DPP10: variants seen among roughly 807,000 people sequenced by gnomAD.
DPP10 encodes inactive dipeptidyl peptidase 10.
Under a neutral mutation model 120.9 loss-of-function variants are expected in DPP10, and 33 were observed. The ratio of observed to expected loss-of-function variants is 0.27; its 90% CI spans 0.21 to 0.37. DPP10 has a LOEUF of 0.37. Among genes scored for constraint, DPP10 ranks in the 10% least tolerant of loss-of-function variants. The probability of loss-of-function intolerance (pLI) is 1.00; values close to 1 mark genes in which losing one functional copy is unlikely to be tolerated. For synonymous variants in DPP10, 337 were observed against 326.1 expected (o/e 1.03, Z -0.36); for missense variants, 816 against 942.8 (o/e 0.87, Z 1.76).
chr2:115,558,021 G>A (rs981349185), intron 5 of DPP10, among the ~76,000 whole-genome samples: 4 of 152,116 alleles, frequency 2.6e-5, no homozygotes, highest in Non-Finnish European at 5.9e-5. Context: ...AGGTAACGAT[G>A]TATATATTTT....
At chr2:115,338,710 G>A (rs2063292715) in intron 2 of DPP10, among the ~76,000 whole-genome samples, 1 of 152,132 alleles carries the variant, frequency 6.6e-6, no homozygotes, top group Admixed American at 6.6e-5. Flanking sequence ...GGAACAATTA[G>A]TCATCCATAG....
chr2:115,208,970 G>T (rs1043111887), intron 1 of DPP10, among the ~76,000 whole-genome samples: 6 of 152,128 alleles, frequency 3.9e-5, no homozygotes, highest in Non-Finnish European at 5.9e-5. Flanking sequence ...AATTGGCTTT[G>T]TGTGTAGACA....
chr2:115,568,255 C>T (rs1038454390), intron 5 of DPP10, among the ~76,000 whole-genome samples: 1 of 151,072 alleles, frequency 6.6e-6, no homozygotes. Context: ...GAGACTGAGG[C>T]GGGCAGATCA....
chr2:114,905,390 C>T (rs1212169601), intron 1 of DPP10, among the ~76,000 whole-genome samples: 5 of 152,068 alleles, frequency 3.3e-5, no homozygotes, highest in Non-Finnish European at 7.4e-5. Context: ...GACATCTTCA[C>T]TTCTTTGGAT....
intron 3 of DPP10, among the ~76,000 whole-genome samples, chr2:115,447,793 C>G (rs988451255): frequency 6.6e-6 from 1 of 152,194 alleles, no homozygotes; most frequent in African/African-American, 2.4e-5. Flanking sequence ...TTGTAAATTA[C>G]CCAGTCTCAG....
chr2:115,289,686 A>G (rs908002663), intron 1 of DPP10, among the ~76,000 whole-genome samples: 2 of 152,094 alleles, frequency 1.3e-5, no homozygotes, highest in African/African-American at 2.4e-5. Flanking sequence ...GAACCCAGAC[A>G]TAAAGCCAGA....
intron 3 of DPP10, among the ~76,000 whole-genome samples, chr2:115,355,404 G>A (rs928147632): frequency 6.6e-6 from 1 of 151,728 alleles, no homozygotes; most frequent in Non-Finnish European, 1.5e-5. Flanking sequence ...TTTTGATGGG[G>A]TTGTTTTTTT....
At chr2:115,644,632 T>A (rs1157826924) in intron 5 of DPP10, among the ~76,000 whole-genome samples, 8 of 137,934 alleles carry the variant, frequency 5.8e-5, no homozygotes, top group East Asian at 4.0e-4. Context: ...AAAAAAAAAA[T>A]AGCTAGGCAT....
At chr2:115,301,502 G>A (rs2061132571) in intron 1 of DPP10, among the ~76,000 whole-genome samples, 1 of 135,698 alleles carries the variant, frequency 7.4e-6, no homozygotes, top group South Asian at 2.3e-4. Context: ...TGCACTCACT[G>A]TTCCAAGGTG....
At chr2:115,014,800 G>A (rs962462086) in intron 1 of DPP10, among the ~76,000 whole-genome samples, 9 of 136,806 alleles carry the variant, frequency 6.6e-5, no homozygotes, top group East Asian at 2.2e-4. Context: ...GGAAGAAGTC[G>A]AATCCCTGAA....
At chr2:115,449,072 G>T (rs2072877678) in intron 3 of DPP10, among the ~76,000 whole-genome samples, 1 of 152,042 alleles carries the variant, frequency 6.6e-6, no homozygotes, top group Non-Finnish European at 1.5e-5. Context: ...AAAAGAAAAA[G>T]AAATGCTGAA....
At chr2:115,758,084 A>T (rs1274410254) in intron 11 of DPP10, among the ~76,000 whole-genome samples, 1 of 152,100 alleles carries the variant, frequency 6.6e-6, no homozygotes, top group Non-Finnish European at 1.5e-5. Flanking sequence ...GAAGAAGTAA[A>T]TCTGTATTTA....
intron 5 of DPP10, among the ~76,000 whole-genome samples, chr2:115,578,899 C>G (rs1403758999): frequency 6.6e-6 from 1 of 152,148 alleles, no homozygotes; most frequent in Admixed American, 6.5e-5. Flanking sequence ...TGTTAAAATG[C>G]CACAGGCTCA....
chr2:115,383,457 G>C (rs927320699), intron 3 of DPP10, among the ~76,000 whole-genome samples: 2 of 152,074 alleles, frequency 1.3e-5, no homozygotes, highest in Non-Finnish European at 2.9e-5. Flanking sequence ...CCCAGTCTTG[G>C]GTATGCCTTT....
At chr2:114,653,407 C>T (rs146202178) in intron 1 of DPP10, among the ~76,000 whole-genome samples, 135 of 152,250 alleles carry the variant, frequency 8.9e-4, no homozygotes, top group African/African-American at 3.1e-3. Context: ...CGATTTTGGA[C>T]TTCTATCCTC....
At chr2:115,010,456 CA>C (rs1702182208) in intron 1 of DPP10, among the ~76,000 whole-genome samples, 1 of 151,954 alleles carries the variant, frequency 6.6e-6, no homozygotes, top group Non-Finnish European at 1.5e-5. Flanking sequence ...TGACAATGCC[CA>C]GGTGTCAGTC....
rs1231927014 is a variant in DPP10, at chr2:115,640,634, G to A, written c.442-49053G>A. Among the ~76,000 whole-genome samples, 27 of 152,134 alleles carry A rather than the reference G, an allele frequency of 1.8e-4. 2 individuals are homozygous for A. Among genetic ancestry groups the A allele is most frequent in the Admixed American group, 1.8e-3 (27 of 15,268 alleles). On this transcript the variant is annotated intron_variant, in intron 5 of 25. Coordinates refer to ENST00000410059, the MANE Select transcript of DPP10 (RefSeq NM_020868.6). The stretch of plus-strand genomic sequence containing the variant: ...GGAATAGATAAGTGTGAGTGAGAAA[G>A]TGTGGAATCAGATCGCAGCTGTAAA...
At chr2:114,939,353 T>C (rs975443385) in intron 1 of DPP10, among the ~76,000 whole-genome samples, 33 of 152,132 alleles carry the variant, frequency 2.2e-4, no homozygotes, top group Admixed American at 2.1e-3. Context: ...TAATTTCAAC[T>C]ATTTCGCTAA....
At chr2:115,835,430 C>T (rs965009833) in intron 21 of DPP10, among the ~76,000 whole-genome samples, 1 of 152,114 alleles carries the variant, frequency 6.6e-6, no homozygotes, top group Non-Finnish European at 1.5e-5. Context: ...TTCTTCTCTT[C>T]CTGGTGCGGA....
Sources: gnomAD v4.1 joint callset for allele counts (sites outside exome capture counted in the v4.1 genomes callset) on GRCh38, gnomAD v4.1.1 for gene constraint, MANE v1.5 for transcripts, NCBI Gene and HGNC (gene_info 2026-07-23, HGNC 2026-07-21) for gene names.